MT4: variants seen among roughly 807,000 people sequenced by gnomAD.
MT4 encodes metallothionein 4, also known as metallothionein-4.
A neutral mutation model predicts 9.5 loss-of-function variants in MT4; 11 were observed. That is an observed-to-expected ratio of 1.16 (90% CI 0.73 to 1.92). The LOEUF is 1.92. MT4 is among the 30% of genes most tolerant of loss of function. The pLI, the probability that MT4 is intolerant of heterozygous loss-of-function variation, is 0.00. For synonymous variants in MT4, 29 were observed against 24.6 expected (o/e 1.18, Z -0.53); for missense variants, 88 against 78.7 (o/e 1.12, Z -0.45).
intron 1 of MT4, among the ~76,000 whole-genome samples, chr16:56,566,435 A>G (rs892730646): frequency 4.0e-5 from 6 of 151,880 alleles, no homozygotes; most frequent in African/African-American, 7.3e-5. Context: ...CTGAGGCAAG[A>G]GCTTGAGGCT....
At chr16:56,567,624 C>T in intron 1 of MT4, 127 bp from the exon 2 acceptor site, 3 of 813,696 alleles carry the variant, frequency 3.7e-6, no homozygotes, top group Non-Finnish European at 6.2e-6. Context: ...CCTTGTCACC[C>T]TCTTGTCCAG....
In MT4 at chr16:56,565,115, C is replaced by T. The variant is rs775431650; in HGVS notation, c.-14C>T. 1.5e-5 allele frequency: 24 copies of T among 1,613,124 alleles called. No individual in the cohort carries two copies. In the Middle Eastern group the frequency reaches 6.6e-4, roughly 44 times the overall value. On this transcript the variant is annotated 5_prime_UTR_variant, in exon 1 of 3. Coordinates refer to ENST00000219162, the MANE Select transcript of MT4 (RefSeq NM_032935.3). ...CAGCCGTGACAGCACTGGAGCCTTT[C>T]GGACACCTGGACCATGGACCCCAGG...
At position 56,567,486 on chromosome 16, in the gene MT4, G is replaced by A. The variant is rs115186277; in HGVS notation, c.32-265G>A. On this transcript the variant is annotated intron_variant, in intron 1 of 2. Coordinates refer to ENST00000219162, the MANE Select transcript of MT4 (RefSeq NM_032935.3). Reference sequence around the variant, plus strand: ...ACTTATGAATCAGAACATCTCAAGGGTTGGTCCCAGGAATCTGCATTTTCA... The same window carrying A: ...ACTTATGAATCAGAACATCTCAAGGATTGGTCCCAGGAATCTGCATTTTCA... Among the ~76,000 whole-genome samples the A allele has an allele frequency of 4.7e-3, 711 of 152,204 alleles. 8 individuals carry two copies. The highest frequency in any genetic ancestry group is 0.016 in the African/African-American group (668 of 41,512).
Position 56,567,731 on chromosome 16 carries a change from G to A in MT4, c.32-20G>A, listed in dbSNP as rs763633472. ...CCATCTCCATCCTCACGTTTGTGGT[G>A]GCTCTGTCCTGTCTTCTAGGAGGAA... On this transcript the variant is annotated intron_variant, in intron 1 of 2. Transcript: ENST00000219162. The A allele has an allele frequency of 6.2e-7, 1 of 1,611,502 alleles. No individual in the cohort carries two copies. Among genetic ancestry groups the A allele is most frequent in the South Asian group, 1.1e-5 (1 of 90,944 alleles).
Position 56,565,109 on chromosome 16 carries a change from G to A in MT4, c.-20G>A, listed in dbSNP as rs1448468992. 1.9e-6 allele frequency: 3 copies of A among 1,612,974 alleles called. No individual in the cohort carries two copies. Among genetic ancestry groups the A allele is most frequent in the Non-Finnish European group, 2.5e-6 (3 of 1,179,570 alleles). On this transcript the variant is annotated 5_prime_UTR_variant, in exon 1 of 3. Coordinates refer to ENST00000219162, the MANE Select transcript of MT4 (RefSeq NM_032935.3). Reference sequence around the variant, plus strand: ...CTTCCCCAGCCGTGACAGCACTGGAGCCTTTCGGACACCTGGACCATGGAC... The same window carrying A: ...CTTCCCCAGCCGTGACAGCACTGGAACCTTTCGGACACCTGGACCATGGAC...
chr16:56,566,717 A>AGAAGGAAGGAAGGAAGGAAGGAAGGAAG (rs1567329768), intron 1 of MT4, among the ~76,000 whole-genome samples: 1 of 28,474 alleles, frequency 3.5e-5, no homozygotes, highest in African/African-American at 9.3e-5. Context: ...AAAGAAAGAA[A>AGAAGGAAGGAAGGAAGGAAGGAAGGAAG]GAAAGAAAGA....
chr16:56,566,151 A>G (rs1959515317), intron 1 of MT4, among the ~76,000 whole-genome samples: 1 of 152,162 alleles, frequency 6.6e-6, no homozygotes, highest in Non-Finnish European at 1.5e-5. Flanking sequence ...TGTACCAAAA[A>G]CTTGCAAAAG....
Position 56,568,860 on chromosome 16 carries a change from C to G in MT4, c.117C>G (p.Pro39=), listed in dbSNP as rs1269171378. The change falls in exon 3 of 3, where the codon CCC becomes CCG. Residue 39 remains proline (P), a synonymous_variant. Transcript: ENST00000219162. ...TTTCAGGCTGCTGTCCCTGCTGCCC[C>G]CCGGGCTGTGCCAAATGTGCCCGGG... The part of the protein sequence containing the change: ...TYWKSCCPCC[P]PGCAKCARGC... 2.5e-6 allele frequency: 4 copies of G among 1,607,730 alleles called. No individual in the cohort carries two copies. The highest frequency in any genetic ancestry group is 2.2e-5 in the South Asian group (2 of 90,168).
At chr16:56,566,673 AAG>A (rs1333955235) in intron 1 of MT4, among the ~76,000 whole-genome samples, 1 of 146,232 alleles carries the variant, frequency 6.8e-6, no homozygotes, top group African/African-American at 2.5e-5. Context: ...GACAGGGAGA[AAG>A]AGAAAAAGAA....
intron 1 of MT4, 114 bp from the exon 2 acceptor site, chr16:56,567,637 A>G (rs1044208837): frequency 3.2e-6 from 3 of 923,948 alleles, no homozygotes; most frequent in Admixed American, 3.6e-5. Context: ...TTGTCCAGCC[A>G]GTCCCCAAGG....
In MT4 at chr16:56,567,776, C is replaced by T. The variant is rs573280337; in HGVS notation, c.57C>T (p.Asn19=). ...GAGGAATCTGCATGTGTGGAGACAACTGCAAATGCACAACCTGCAACTGTA... is the reference window on the plus strand; with the variant it reads ...GAGGAATCTGCATGTGTGGAGACAATTGCAAATGCACAACCTGCAACTGTA... The part of the protein sequence containing the change: ...MSGGICMCGD[N]CKCTTCNCKT... The change falls in exon 2 of 3, where the codon AAC becomes AAT. Residue 19 remains asparagine, a synonymous_variant. Transcript: ENST00000219162. The T allele has an allele frequency of 3.2e-5, 52 of 1,613,500 alleles. 1 individual carries two copies. The South Asian group carries it at 5.4e-4, about 17-fold the overall frequency.
chr16:56,565,597 A>G (rs1178222202), intron 1 of MT4, among the ~76,000 whole-genome samples: 1 of 152,198 alleles, frequency 6.6e-6, no homozygotes, highest in Non-Finnish European at 1.5e-5. Flanking sequence ...AGCTGCTATG[A>G]AAGTGCTAAA....
At chr16:56,568,239 GAA>G (rs1491468391) in intron 2 of MT4, among the ~76,000 whole-genome samples, 937 of 40,744 alleles carry the variant, frequency 0.023, 34 homozygotes, top group Middle Eastern at 0.053. Flanking sequence ...AAGAAAGAAA[GAA>G]AGAAAGAAAG....
chr16:56,567,021 T>TTTTG (rs1403292304), intron 1 of MT4, among the ~76,000 whole-genome samples: 15 of 151,922 alleles, frequency 9.9e-5, no homozygotes, highest in Non-Finnish European at 8.8e-5. Flanking sequence ...TGAAAGGGGT[T>TTTTG]TTTGTTTGTT....
chr16:56,566,758 G>A (rs1241328961), intron 1 of MT4, among the ~76,000 whole-genome samples: 3 of 68,806 alleles, frequency 4.4e-5, no homozygotes, highest in South Asian at 5.2e-4. Context: ...AGGAAGGAAG[G>A]AAGGAAGGAA....
intron 2 of MT4, among the ~76,000 whole-genome samples, chr16:56,568,267 G>GAGAA (rs1567330629): frequency 1.5e-5 from 1 of 68,504 alleles, no homozygotes; most frequent in East Asian, 5.2e-4. Flanking sequence ...AAGAGAGAGA[G>GAGAA]AGAGAGAAAG....
intron 1 of MT4, among the ~76,000 whole-genome samples, chr16:56,567,457 C>A (rs1010087014): frequency 1.3e-5 from 2 of 152,184 alleles, no homozygotes; most frequent in Non-Finnish European, 2.9e-5. Context: ...ATTTCCCCAC[C>A]AAGACTTATG....
At chr16:56,568,305 G>GAA (rs1959579066) in intron 2 of MT4, among the ~76,000 whole-genome samples, 1 of 144,480 alleles carries the variant, frequency 6.9e-6, no homozygotes, top group South Asian at 2.2e-4. Context: ...AAGAAAGAAA[G>GAA]AAAGAAAGAA....
chr16:56,567,626 C>A, intron 1 of MT4, 125 bp from the exon 2 acceptor site: 1 of 828,880 alleles, frequency 1.2e-6, no homozygotes, highest in Non-Finnish European at 2.0e-6. Context: ...TTGTCACCCT[C>A]TTGTCCAGCC....
Sources: allele counts gnomAD v4.1 joint callset (sites outside exome capture counted in the v4.1 genomes callset), GRCh38; gene constraint gnomAD v4.1.1; transcripts MANE v1.5; gene names NCBI Gene and HGNC (gene_info 2026-07-23, HGNC 2026-07-21).